Variants in ZSWIM6 observed in about 807,000 individuals in gnomAD.
The protein encoded by ZSWIM6 is zinc finger SWIM-type containing 6.
Under a neutral mutation model 113.2 loss-of-function variants are expected in ZSWIM6, and 9 were observed. The observed-to-expected ratio is 0.08, with a 90% confidence interval of 0.05 to 0.14. The LOEUF (loss-of-function observed/expected upper bound fraction) is 0.14. Among genes scored for constraint, ZSWIM6 ranks in the 10% least tolerant of loss-of-function variants. The pLI, the probability that ZSWIM6 is intolerant of heterozygous loss-of-function variation, is 1.00. For synonymous variants in ZSWIM6, 611 were observed against 606.5 expected (o/e 1.01, Z -0.11); for missense variants, 1,162 against 1,552.2 (o/e 0.75, Z 4.22).
At chr5:61,449,070 C>T (rs959961722) in intron 1 of ZSWIM6, among the ~76,000 whole-genome samples, 13 of 152,152 alleles carry the variant, frequency 8.5e-5, no homozygotes, top group Non-Finnish European at 1.9e-4. Context: ...TGGGCATTTA[C>T]ACCTAAGAAT....
intron 1 of ZSWIM6, among the ~76,000 whole-genome samples, chr5:61,362,483 C>T (rs1267220740): frequency 4.6e-5 from 7 of 152,172 alleles, no homozygotes; most frequent in African/African-American, 1.4e-4. Flanking sequence ...CAAGTGTGAG[C>T]CACTGTGCCC....
intron 1 of ZSWIM6, among the ~76,000 whole-genome samples, chr5:61,348,664 T>G (rs1319529708): frequency 6.6e-6 from 1 of 152,238 alleles, no homozygotes; most frequent in African/African-American, 2.4e-5. Context: ...ATTAATTTTC[T>G]CTTCCTCTTT....
rs142012547 is a variant in ZSWIM6 at position 61,451,734 on chromosome 5, C to A, written c.677-20947C>A. Among the ~76,000 whole-genome samples, 632 of 152,202 alleles carry A rather than the reference C, an allele frequency of 4.2e-3. 4 individuals are homozygous for A. The highest frequency in any genetic ancestry group is 5.8e-3 in the Non-Finnish European group (395 of 67,992). On this transcript the variant is annotated intron_variant, in intron 1 of 13. Coordinates refer to ENST00000252744, the MANE Select transcript of ZSWIM6 (RefSeq NM_020928.2). ...CTATAGATTCTGAATGGGTGTAATA[C>A]TTTCTGCATTGGTTTTTAGAAATTG...
At chr5:61,384,709 A>G (rs1478296755) in intron 1 of ZSWIM6, among the ~76,000 whole-genome samples, 1 of 152,200 alleles carries the variant, frequency 6.6e-6, no homozygotes, top group Non-Finnish European at 1.5e-5. Flanking sequence ...CTGTTGGACC[A>G]TATGTAAATG....
At chr5:61,414,956 A>G (rs1746217329) in intron 1 of ZSWIM6, among the ~76,000 whole-genome samples, 1 of 152,212 alleles carries the variant, frequency 6.6e-6, no homozygotes, top group African/African-American at 2.4e-5. Flanking sequence ...TTGTCAGAAG[A>G]AAGCTGTGAA....
At chr5:61,510,861 CT>C (rs1561271212) in intron 4 of ZSWIM6, among the ~76,000 whole-genome samples, 1 of 152,146 alleles carries the variant, frequency 6.6e-6, no homozygotes, top group Admixed American at 6.6e-5. Context: ...AAAATGATGA[CT>C]TTTCTCACTG....
chr5:61,467,487 A>T lies in ZSWIM6; in HGVS notation c.677-5194A>T, dbSNP rs755542374. Among the ~76,000 whole-genome samples, 7 of 152,340 alleles carry T rather than the reference A, an allele frequency of 4.6e-5. No homozygotes were observed. The East Asian group carries it at 1.3e-3, about 29-fold the overall frequency. ...CTAATGTGATACTGGAAAACTAAAC[A>T]TACATTAATGAAGAAGATTTTAAAG... On this transcript the variant is annotated intron_variant, in intron 1 of 13. Coordinates refer to ENST00000252744, the MANE Select transcript of ZSWIM6 (RefSeq NM_020928.2).
At chr5:61,516,752 C>G (rs1748956017) in intron 4 of ZSWIM6, among the ~76,000 whole-genome samples, 1 of 151,734 alleles carries the variant, frequency 6.6e-6, no homozygotes, top group African/African-American at 2.4e-5. Context: ...TATTGTTCTT[C>G]CTTTATTCCT....
intron 1 of ZSWIM6, among the ~76,000 whole-genome samples, chr5:61,383,046 T>A (rs1745518240): frequency 6.6e-6 from 1 of 152,184 alleles, no homozygotes; most frequent in Non-Finnish European, 1.5e-5. Flanking sequence ...ATTCTTAACC[T>A]GAAAGTGGTA....
intron 1 of ZSWIM6, among the ~76,000 whole-genome samples, chr5:61,417,185 C>T (rs563830193): frequency 6.6e-6 from 1 of 152,122 alleles, no homozygotes; most frequent in African/African-American, 2.4e-5. Context: ...TAGCATCTGC[C>T]TGTAGACTAA....
intron 4 of ZSWIM6, among the ~76,000 whole-genome samples, chr5:61,498,015 G>A (rs989479166): frequency 6.6e-6 from 1 of 152,028 alleles, no homozygotes; most frequent in Non-Finnish European, 1.5e-5. Context: ...TAGGGATGAG[G>A]GGATACACTG....
In ZSWIM6 at chr5:61,521,415, C is replaced by G; in HGVS notation, c.1486C>G (p.Leu496Val). Residue 496 changes from leucine (L) to valine (V), a missense_variant, in exon 5 of 14, where the codon CTG (leucine) becomes GTG (valine). By Grantham distance (32) the Leu-to-Val change is conservative. Around this residue, in one of 4 missense-constraint regions of ZSWIM6, gnomAD observed 620 missense variants for 804.6 expected, o/e 0.77. Transcript: ENST00000252744. ...GSELPNLTNA[L>V]PQGANANQDS... is the part of the protein sequence containing the mutation. ...TGAATTACCCAACTTAACCAATGCT[C>G]TGCCTCAGGGTGCAAATGCCAACCA... 1 of 1,516,464 alleles carries G rather than the reference C, an allele frequency of 6.6e-7. No individual in the cohort carries two copies. The highest frequency in any genetic ancestry group is 1.3e-5 in the South Asian group (1 of 78,972). The allele number at this position is 1,516,464 out of a possible 1,614,324, so 93.9% of individuals were successfully genotyped here. A position where few individuals can be genotyped will look rare whatever the true frequency, so the allele number is the denominator to read the frequency against.
Position 61,332,824 on chromosome 5 carries a change from G to C in ZSWIM6, c.552G>C (p.Ala184=). 13 of 964,392 alleles carry C rather than the reference G, an allele frequency of 1.3e-5. No individual in the cohort carries two copies. Among genetic ancestry groups the C allele is most frequent in the South Asian group, 4.7e-5 (1 of 21,060 alleles). The allele number at this position is 964,392 out of a possible 1,614,324, so 59.7% of individuals were successfully genotyped here. The change falls in exon 1 of 14, where the codon GCG becomes GCC. Residue 184 remains alanine, a synonymous_variant. Coordinates refer to ENST00000252744, the MANE Select transcript of ZSWIM6 (RefSeq NM_020928.2). ...CCGCCGCCGCCGCCGCCGCCGCCGCGGGGGCCGGGGCCCCGTCGGTGGGGG... is the reference window on the plus strand; with the variant it reads ...CCGCCGCCGCCGCCGCCGCCGCCGCCGGGGCCGGGGCCCCGTCGGTGGGGG... ...AAAAAAAAAA[A]GAGAPSVGAA...
At chr5:61,355,207 G>A (rs145131962) in intron 1 of ZSWIM6, among the ~76,000 whole-genome samples, 1 of 152,268 alleles carries the variant, frequency 6.6e-6, no homozygotes, top group African/African-American at 2.4e-5. Flanking sequence ...TAGCTTGGTA[G>A]TTGTGACTTA....
chr5:61,458,759 T>A (rs1296835235), intron 1 of ZSWIM6, among the ~76,000 whole-genome samples: 3 of 151,806 alleles, frequency 2.0e-5, no homozygotes, highest in East Asian at 3.9e-4. Flanking sequence ...GCACTTGTGG[T>A]CCCAGCTACT....
At chr5:61,374,029 T>A (rs1480436813) in intron 1 of ZSWIM6, among the ~76,000 whole-genome samples, 1 of 152,262 alleles carries the variant, frequency 6.6e-6, no homozygotes, top group Non-Finnish European at 1.5e-5. Context: ...TGTTTCTATC[T>A]TGCCTTTTGC....
chr5:61,473,115 G>A, intron 2 of ZSWIM6, 78 bp downstream of exon 2: 3 of 967,420 alleles, frequency 3.1e-6, no homozygotes, highest in Non-Finnish European at 2.9e-6. Flanking sequence ...CTGCATAAAA[G>A]TGAATTAAAT....
intron 1 of ZSWIM6, among the ~76,000 whole-genome samples, chr5:61,445,217 TTC>T (rs1746925946): frequency 6.6e-6 from 1 of 152,200 alleles, no homozygotes; most frequent in African/African-American, 2.4e-5. Flanking sequence ...CAATTAACTT[TTC>T]TCTCTGTCAT....
chr5:61,501,621 G>T (rs1006269300), intron 4 of ZSWIM6, among the ~76,000 whole-genome samples: 1 of 152,178 alleles, frequency 6.6e-6, no homozygotes, highest in Admixed American at 6.5e-5. Flanking sequence ...ACCTCCTTGT[G>T]TGTTTTTATG....
Sources: allele counts gnomAD v4.1 joint callset (sites outside exome capture counted in the v4.1 genomes callset), GRCh38; gene constraint gnomAD v4.1.1; regional missense constraint gnomAD v4.1.1; transcripts MANE v1.5; gene names NCBI Gene and HGNC (gene_info 2026-07-23, HGNC 2026-07-21).